Variants in ARHGAP11A observed in about 807,000 individuals in gnomAD.
ARHGAP11A encodes rho GTPase-activating protein 11A.
ARHGAP11A carries 36 observed loss-of-function variants against 60.5 expected under a neutral mutation model. The observed-to-expected ratio is 0.59, with a 90% CI of 0.46 to 0.79. The LOEUF is 0.79. Ranked by LOEUF, ARHGAP11A falls within the 30% of genes least tolerant of loss-of-function variation. ARHGAP11A has a pLI of 0.00. For synonymous variants in ARHGAP11A, 362 were observed against 415.5 expected (o/e 0.87, Z 1.57); for missense variants, 1,071 against 1,199.2 (o/e 0.89, Z 1.58).
intron 1 of ARHGAP11A, among the ~76,000 whole-genome samples, chr15:32,619,433 TG>T (rs1180960107): frequency 3.9e-5 from 6 of 152,228 alleles, no homozygotes; most frequent in Admixed American, 2.0e-4. Context: ...GCTTTACTCT[TG>T]GGATCTTCAG....
At chr15:32,635,159 T>G (rs903847671) in intron 10 of ARHGAP11A, among the ~76,000 whole-genome samples, 53 of 152,214 alleles carry the variant, frequency 3.5e-4, no homozygotes, top group Non-Finnish European at 1.5e-5. Context: ...CAGTCCCCCT[T>G]GCTCACTCTG....
intron 10 of ARHGAP11A, among the ~76,000 whole-genome samples, chr15:32,634,245 C>T (rs757445384): frequency 1.3e-5 from 2 of 152,114 alleles, no homozygotes; most frequent in Non-Finnish European, 2.9e-5. Context: ...TTTTTCTCTC[C>T]ACTCACTCAA....
chr15:32,632,125 A>G, intron 8 of ARHGAP11A, among the ~76,000 whole-genome samples: 1 of 152,228 alleles, frequency 6.6e-6, no homozygotes, highest in Non-Finnish European at 1.5e-5. Flanking sequence ...TCATAATTGA[A>G]AAAATGTGAA....
At chr15:32,623,240 G>A (rs1182183053) in intron 2 of ARHGAP11A, among the ~76,000 whole-genome samples, 1 of 152,056 alleles carries the variant, frequency 6.6e-6, no homozygotes, top group East Asian at 1.9e-4. Flanking sequence ...AAGGGAAGCA[G>A]AAATGAAGTA....
chr15:32,618,339 A>T (rs1167125919), intron 1 of ARHGAP11A, among the ~76,000 whole-genome samples: 1 of 152,214 alleles, frequency 6.6e-6, no homozygotes, highest in African/African-American at 2.4e-5. Context: ...CAGCTTAAGT[A>T]TCTGGTTTAT....
chr15:32,631,455 C>T (rs937204885), intron 8 of ARHGAP11A, among the ~76,000 whole-genome samples: 21 of 152,136 alleles, frequency 1.4e-4, no homozygotes, highest in Non-Finnish European at 2.9e-4. Context: ...ACCACCACAC[C>T]TGGCTAATTT....
intron 2 of ARHGAP11A, among the ~76,000 whole-genome samples, chr15:32,622,503 G>A (rs1425597171): frequency 6.6e-6 from 1 of 152,110 alleles, no homozygotes; most frequent in African/African-American, 2.4e-5. Flanking sequence ...TATCTTCATT[G>A]TAATTTCATG....
chr15:32,620,062 A>G, intron 1 of ARHGAP11A, 46 bp from the exon 2 acceptor site: 2 of 1,540,444 alleles, frequency 1.3e-6, no homozygotes, highest in South Asian at 1.2e-5. Context: ...GAAAACTGAT[A>G]TTATGCCTAA....
rs550629634 is a variant in ARHGAP11A at position 32,617,920 on chromosome 15, C to T, written c.129+1580C>T. On this transcript the variant is annotated intron_variant, in intron 1 of 11. Transcript: ENST00000361627. ...CAGTTTTATATATATAAAGTGGGAA[C>T]GTATTTCTCCTTGGATTATTTAGGG... Among the ~76,000 whole-genome samples the T allele has an allele frequency of 1.4e-4, 22 of 152,226 alleles. No individual in the cohort carries two copies. The East Asian group carries it at 4.1e-3, about 28-fold the overall frequency.
In ARHGAP11A at chr15:32,625,063, G is replaced by A. The variant is rs2053425951; in HGVS notation, c.552-17G>A. 6.2e-7 allele frequency: 1 copy of A among 1,613,088 alleles called. No individual in the cohort carries two copies. The highest frequency in any genetic ancestry group is 8.5e-7 in the Non-Finnish European group (1 of 1,179,566). On this transcript the variant is annotated splice_polypyrimidine_tract_variant and intron_variant, in intron 4 of 11. Transcript: ENST00000361627. Reference sequence around the variant, plus strand: ...TTCACGTTTGGCTCCATCTAATAAAGCGTTTATTCACTTAAGATCCAGTGA... The same window carrying A: ...TTCACGTTTGGCTCCATCTAATAAAACGTTTATTCACTTAAGATCCAGTGA...
chr15:32,627,894 C>T (rs192109747), intron 6 of ARHGAP11A, among the ~76,000 whole-genome samples: 1 of 149,820 alleles, frequency 6.7e-6, no homozygotes, highest in Non-Finnish European at 1.5e-5. Flanking sequence ...ACTGCAATCT[C>T]CACCTCCTGG....
rs764260750 is a variant in ARHGAP11A, at chr15:32,624,412, G to T, written c.537G>T (p.Arg179Ser). The change falls in exon 4 of 12, where the codon AGG becomes AGT. Residue 179 changes from arginine to serine, a missense_variant. Transcript: ENST00000361627. The part of the protein sequence containing the change: ...HVLRYFFNFL[R>S]NVSLRSSENK... ...TAAGATACTTCTTTAACTTTCTCAG[G>T]AATGTTTCTCTTAGGTAAGTGGTAA... 1 of 1,608,390 alleles carries T rather than the reference G, an allele frequency of 6.2e-7. No homozygotes were observed. Among genetic ancestry groups the T allele is most frequent in the Non-Finnish European group, 8.5e-7 (1 of 1,178,568 alleles).
Position 32,637,806 on chromosome 15 carries a change from AACTC to A in ARHGAP11A, c.3035_3038del (p.Thr1012AsnfsTer9), listed in dbSNP as rs777826062. The A allele has an allele frequency of 1.0e-5, 16 of 1,605,904 alleles. No homozygotes were observed. The highest frequency in any genetic ancestry group is 1.2e-5 in the Non-Finnish European group (14 of 1,177,472). Reference sequence around the variant, plus strand: ...GTTCTCCAAAACATCCTATCGGAAAAACTCAATTACTACCAACAAGTAAACCTGT... The same window carrying A: ...GTTCTCCAAAACATCCTATCGGAAAAAATTACTACCAACAAGTAAACCTGT... On this transcript the variant is annotated frameshift_variant, in exon 12 of 12. Transcript: ENST00000361627. LOFTEE classifies it high-confidence loss of function.
In ARHGAP11A at chr15:32,637,505, C is replaced by T. The variant is rs781578396; in HGVS notation, c.2732C>T (p.Ser911Leu). 1 of 1,613,878 alleles carries T rather than the reference C, an allele frequency of 6.2e-7. No individual in the cohort carries two copies. Among genetic ancestry groups the T allele is most frequent in the East Asian group, 2.2e-5 (1 of 44,884 alleles). ...KEQKSMSCEE[S>L]NIGAISKSSM... is the part of the protein sequence containing the mutation. ...CAGAAGTCCATGTCATGTGAAGAGT[C>T]AAATATTGGTGCAATTTCAAAGTCA... Residue 911 changes from serine to leucine, a missense_variant, in exon 12 of 12, where the codon TCA becomes TTA. Physicochemically the swap from Ser to Leu is moderately radical, Grantham distance 145. This residue lies in a region of ARHGAP11A where 776 missense variants were observed against 760.2 expected (regional missense o/e 1.02). Coordinates refer to ENST00000361627, the MANE Select transcript of ARHGAP11A (RefSeq NM_014783.6).
chr15:32,627,492 G>C (rs1174017299), intron 6 of ARHGAP11A, among the ~76,000 whole-genome samples: 1 of 152,008 alleles, frequency 6.6e-6, no homozygotes, highest in East Asian at 1.9e-4. Context: ...CACTTTGGGA[G>C]GCCAAGGTGG....
Position 32,636,798 on chromosome 15 carries a change from A to G in ARHGAP11A, c.2025A>G (p.Ser675=). ...AATGTTTTTCAGAGAGGGACTTTTC[A>G]CCCCTTCAAACTCAAACATTTAATA... ...GEKCFSERDF[S]PLQTQTFNRE... Residue 675 remains serine, a synonymous_variant, in exon 12 of 12, where the codon TCA becomes TCG. Coordinates refer to ENST00000361627, the MANE Select transcript of ARHGAP11A (RefSeq NM_014783.6). The G allele has an allele frequency of 6.2e-7, 1 of 1,609,812 alleles. No individual in the cohort carries two copies. The highest frequency in any genetic ancestry group is 8.5e-7 in the Non-Finnish European group (1 of 1,179,060).
chr15:32,625,502 T>G lies in ARHGAP11A; in HGVS notation c.731T>G (p.Phe244Cys). 1 of 1,613,950 alleles carries G rather than the reference T, an allele frequency of 6.2e-7. No individual in the cohort carries two copies. Among genetic ancestry groups the G allele is most frequent in the East Asian group, 2.2e-5 (1 of 44,872 alleles). The change falls in exon 6 of 12, where the codon TTT becomes TGT. Residue 244 changes from phenylalanine to cysteine, a missense_variant. Around this residue, in one of 4 missense-constraint regions of ARHGAP11A, gnomAD observed 196 missense variants for 272.1 expected, o/e 0.72. Coordinates refer to ENST00000361627, the MANE Select transcript of ARHGAP11A (RefSeq NM_014783.6). ...TTTCATTTAGGGCGTGTACCAGATT[T>G]TATCCTGGAAAAGATACCAGCCATG... ...YASDIGRVPD[F>C]ILEKIPAMLG...
In ARHGAP11A at chr15:32,637,222, C is replaced by T. The variant is rs1301893745; in HGVS notation, c.2449C>T (p.Leu817Phe). 1.9e-6 allele frequency: 3 copies of T among 1,614,090 alleles called. No individual in the cohort carries two copies. The highest frequency in any genetic ancestry group is 2.5e-6 in the Non-Finnish European group (3 of 1,180,032). Reference sequence around the variant, plus strand: ...TGATCACATACAGTGGTTTAACAAGCTTTCTTTAAATGAACCAAATAGAAT... The same window carrying T: ...TGATCACATACAGTGGTTTAACAAGTTTTCTTTAAATGAACCAAATAGAAT... ...VSDHIQWFNK[L>F]SLNEPNRIKV... The change falls in exon 12 of 12, where the codon CTT becomes TTT. Residue 817 changes from leucine to phenylalanine, a missense_variant. Physicochemically the swap from Leu to Phe is conservative, Grantham distance 22. Transcript: ENST00000361627.
At chr15:32,624,820 G>T (rs1364629296) in intron 4 of ARHGAP11A, among the ~76,000 whole-genome samples, 1 of 151,374 alleles carries the variant, frequency 6.6e-6, no homozygotes, top group African/African-American at 2.4e-5. Flanking sequence ...CTGAAAATCA[G>T]ATAAAGATGT....
Sources: gnomAD v4.1 joint callset for allele counts (sites outside exome capture counted in the v4.1 genomes callset) on GRCh38, gnomAD v4.1.1 for gene constraint, gnomAD v4.1.1 regional missense constraint, MANE v1.5 for transcripts, NCBI Gene and HGNC (gene_info 2026-07-23, HGNC 2026-07-21) for gene names.